The following RPS6KA1 variants were observed in gnomAD, a reference collection of about 807,000 sequenced individuals.
RPS6KA1 encodes the protein ribosomal protein S6 kinase A1.
A neutral mutation model predicts 91.3 loss-of-function variants in RPS6KA1; 48 were observed. That is an observed-to-expected ratio of 0.53 (90% CI 0.42 to 0.67). RPS6KA1 has a LOEUF of 0.67. Ranked by LOEUF, RPS6KA1 falls within the 30% of genes least tolerant of loss-of-function variation. RPS6KA1 has a pLI of 0.00. For missense variants in RPS6KA1, 719 were observed against 960.5 expected (o/e 0.75, Z 3.32); for synonymous variants, 359 against 384.7 (o/e 0.93, Z 0.78).
In RPS6KA1 at chr1:26,574,798, A is replaced by G. The variant is rs1307409303; in HGVS notation, c.*597A>G. On this transcript the variant is annotated 3_prime_UTR_variant, in exon 22 of 22. Transcript: ENST00000374168. This position sits in a 1 kb window ranked among gnomAD's most constrained non-coding sequence, Gnocchi z 4.3. ...CTGGCTTCCAGCTTCAGGCACCAGC[A>G]TCCACCTTGGCTCTGCCAGTGGATC... 3.9e-6 allele frequency: 1 copy of G among 256,882 alleles called. No individual in the cohort carries two copies. 15.9% of individuals were successfully genotyped at this position (256,882 alleles called of 1,614,324 possible).
chr1:26,572,264 A>T lies in RPS6KA1; in HGVS notation c.1918A>T (p.Asn640Tyr). The T allele has an allele frequency of 6.2e-7, 1 of 1,613,726 alleles. No individual in the cohort carries two copies. Among genetic ancestry groups the T allele is most frequent in the Non-Finnish European group, 8.5e-7 (1 of 1,179,790 alleles). The change falls in exon 20 of 22, where the codon AAT becomes TAT. Residue 640 changes from asparagine (N) to tyrosine (Y), a missense_variant. Transcript: ENST00000374168. ...GSGKFTLSGG[N>Y]WNTVSETAKD... ...TGGGAAGTTTACCCTCAGTGGGGGA[A>T]ATTGGAACACAGTTTCAGAGACAGC...
Position 26,571,187 on chromosome 1 carries a change from A to T in RPS6KA1, c.1591-262A>T, listed in dbSNP as rs2076246033. On this transcript the variant is annotated intron_variant, in intron 17 of 21. Coordinates refer to ENST00000374168, the MANE Select transcript of RPS6KA1 (RefSeq NM_002953.4). The surrounding 1 kb of genome is among the most constrained non-coding windows in gnomAD (Gnocchi z 5.1). ...AAGGATGGAGTTGCCACAAGGTAAG[A>T]TTATGTGATGAGTAGGTTTTAGGGG... 4.4e-6 allele frequency: 2 copies of T among 456,986 alleles called. No homozygotes were observed. The highest frequency in any genetic ancestry group is 7.8e-6 in the Non-Finnish European group (2 of 255,286). 28.3% of individuals were successfully genotyped at this position (456,986 alleles called of 1,614,324 possible).
In RPS6KA1 at chr1:26,529,853, A is replaced by AC. The variant is rs1036529636; in HGVS notation, c.-64dup. ...GGCGGTTCGGGTCGCAGAGCCAGGG[A>AC]CCCCAGGACCCGGGAGGCGGCGCAG... is the stretch of plus-strand genomic sequence containing the variant. On this transcript the variant is annotated 5_prime_UTR_variant, in exon 1 of 22. Transcript: ENST00000374168. This position sits in a 1 kb window ranked among gnomAD's most constrained non-coding sequence, Gnocchi z 4.2. 20 of 1,251,800 alleles carry AC rather than the reference A, an allele frequency of 1.6e-5. No homozygotes were observed. In the African/African-American group the frequency reaches 2.7e-4, roughly 17 times the overall value. 77.5% of individuals were successfully genotyped at this position (1,251,800 alleles called of 1,614,324 possible).
At chr1:26,572,476 G>T (rs1179312763) in intron 20 of RPS6KA1, among the ~76,000 whole-genome samples, 183 bp downstream of exon 20, 1 of 151,948 alleles carries the variant, frequency 6.6e-6, no homozygotes, top group Admixed American at 6.6e-5. Flanking sequence ...ACCTTGTTGG[G>T]GTAACCTGGT....
intron 1 of RPS6KA1, among the ~76,000 whole-genome samples, chr1:26,535,533 G>A (rs947661445): frequency 1.3e-5 from 2 of 152,088 alleles, no homozygotes; most frequent in Non-Finnish European, 1.5e-5. Context: ...GCTTCCAAAC[G>A]CCCAGATAGG....
intron 21 of RPS6KA1, 131 bp downstream of exon 21, chr1:26,573,492 C>T (rs1197065450): frequency 6.6e-6 from 7 of 1,065,920 alleles, no homozygotes; most frequent in Non-Finnish European, 8.3e-6. Context: ...GAGAAGAAGA[C>T]ACAGCCCTGC....
chr1:26,569,311 A>G (rs282175), intron 17 of RPS6KA1, among the ~76,000 whole-genome samples: 52,534 of 151,996 alleles, frequency 0.35, 9,965 homozygotes, highest in East Asian at 0.75. Flanking sequence ...TGTAAACTGG[A>G]AGTTCACTTG....
intron 2 of RPS6KA1, chr1:26,544,140 G>C (rs1189734916): frequency 2.2e-6 from 1 of 456,302 alleles, no homozygotes; most frequent in Admixed American, 2.3e-5. Context: ...CCTGCTGCCT[G>C]CCCGTGTGTC....
chr1:26,569,074 C>CTGTAATTCCCAGTTAGCACA (rs1327902866), intron 17 of RPS6KA1, among the ~76,000 whole-genome samples: 2 of 151,942 alleles, frequency 1.3e-5, no homozygotes, highest in African/African-American at 2.4e-5. Context: ...ACCTGTAATT[C>CTGTAATTCCCAGTTAGCACA]CAGCTAACTG....
chr1:26,536,419 G>T (rs943299963), intron 1 of RPS6KA1, among the ~76,000 whole-genome samples: 3 of 152,214 alleles, frequency 2.0e-5, no homozygotes, highest in African/African-American at 7.2e-5. Context: ...GTGGGGCAGG[G>T]CAAGGATAGC....
At chr1:26,536,245 C>T (rs867940003) in intron 1 of RPS6KA1, among the ~76,000 whole-genome samples, 1 of 151,732 alleles carries the variant, frequency 6.6e-6, no homozygotes, top group East Asian at 1.9e-4. Flanking sequence ...AAGAGAGCAG[C>T]TGTTAGCCCC....
chr1:26,574,656 C>T lies in RPS6KA1; in HGVS notation c.*455C>T. ...TCCGAGACAGTCCAGTGTCACCTCTCTCAGAGCATCTGGCTGTTTAGCAGA... is the reference window on the plus strand; with the variant it reads ...TCCGAGACAGTCCAGTGTCACCTCTTTCAGAGCATCTGGCTGTTTAGCAGA... On this transcript the variant is annotated 3_prime_UTR_variant, in exon 22 of 22. Transcript: ENST00000374168. The surrounding 1 kb of genome is among the most constrained non-coding windows in gnomAD (Gnocchi z 4.3). The T allele has an allele frequency of 8.4e-6, 3 of 356,826 alleles. No homozygotes were observed. Among genetic ancestry groups the T allele is most frequent in the South Asian group, 6.3e-5 (3 of 47,406 alleles). 22.1% of individuals were successfully genotyped at this position (356,826 alleles called of 1,614,324 possible).
intron 19 of RPS6KA1, 52 bp from the exon 20 acceptor site, chr1:26,572,124 C>T: frequency 6.7e-7 from 1 of 1,497,718 alleles, no homozygotes; most frequent in South Asian, 1.1e-5. Context: ...GCAGCCCCAG[C>T]CCCAGTATGG....
chr1:26,544,205 T>G (rs1047959508), intron 2 of RPS6KA1: 4 of 456,198 alleles, frequency 8.8e-6, no homozygotes, highest in African/African-American at 2.0e-5. Flanking sequence ...TGGGGCTCGC[T>G]GACTCTCCCG....
Position 26,558,104 on chromosome 1 carries a change from G to A in RPS6KA1, c.1085-703G>A, listed in dbSNP as rs974276967. 2.8e-4 allele frequency among the ~76,000 whole-genome samples: 42 copies of A among 152,024 alleles called. No individual in the cohort carries two copies. The highest frequency in any genetic ancestry group is 5.9e-4 in the Admixed American group (9 of 15,244). On this transcript the variant is annotated intron_variant, in intron 13 of 21. Coordinates refer to ENST00000374168, the MANE Select transcript of RPS6KA1 (RefSeq NM_002953.4). This position sits in a 1 kb window ranked among gnomAD's most constrained non-coding sequence, Gnocchi z 4.0. ...GGTGCTTTTCTCACTGCACTTGCAC[G>A]CCTCTGATGACAGAGACAGCACTTC... is the stretch of plus-strand genomic sequence containing the variant.
intron 1 of RPS6KA1, among the ~76,000 whole-genome samples, chr1:26,533,575 G>A (rs2075883810): frequency 6.6e-6 from 1 of 152,150 alleles, no homozygotes; most frequent in South Asian, 2.1e-4. Flanking sequence ...GTGTGGTGGT[G>A]CGGCCTATAT....
rs1488455065 is a variant in RPS6KA1 at position 26,555,817 on chromosome 1, G to A, written c.916+192G>A. Reference sequence around the variant, plus strand: ...GGGGGGAGTTGACCTGTGTGTAGGGGGAAGGCAGGAACTGAGTCATCCCTA... The same window carrying A: ...GGGGGGAGTTGACCTGTGTGTAGGGAGAAGGCAGGAACTGAGTCATCCCTA... On this transcript the variant is annotated intron_variant, in intron 11 of 21. Transcript: ENST00000374168. This position sits in a 1 kb window ranked among gnomAD's most constrained non-coding sequence, Gnocchi z 4.3. Among the ~76,000 whole-genome samples, 1 of 152,094 alleles carries A rather than the reference G, an allele frequency of 6.6e-6. No homozygotes were observed. Among genetic ancestry groups the A allele is most frequent in the Non-Finnish European group, 1.5e-5 (1 of 68,010 alleles).
rs973756102 is a variant in RPS6KA1, at chr1:26,540,053, T to TG, written c.108+3086dup. On this transcript the variant is annotated intron_variant, in intron 2 of 21. Transcript: ENST00000374168. The surrounding 1 kb of genome is among the most constrained non-coding windows in gnomAD (Gnocchi z 4.2). ...CTCAGGTGTTGGGAGGAACTTCCCT[T>TG]GGCCTGGTCAGAGAAGGCCAGCCAC... is the stretch of plus-strand genomic sequence containing the variant. Among the ~76,000 whole-genome samples, 12 of 152,306 alleles carry TG rather than the reference T, an allele frequency of 7.9e-5. No individual in the cohort carries two copies. The highest frequency in any genetic ancestry group is 2.9e-4 in the African/African-American group (12 of 41,572).
At chr1:26,534,690 G>A (rs565649817) in intron 1 of RPS6KA1, among the ~76,000 whole-genome samples, 1 of 152,298 alleles carries the variant, frequency 6.6e-6, no homozygotes, top group African/African-American at 2.4e-5. Flanking sequence ...ATTGAGGTAT[G>A]TTACTTTGAT....
Sources: allele counts gnomAD v4.1 joint callset (sites outside exome capture counted in the v4.1 genomes callset), GRCh38; gene constraint gnomAD v4.1.1; non-coding constraint Gnocchi (gnomAD v3.1); transcripts MANE v1.5; gene names NCBI Gene and HGNC (gene_info 2026-07-23, HGNC 2026-07-21).